FARS2: variants seen among roughly 807,000 people sequenced by gnomAD.
FARS2 encodes phenylalanyl-tRNA synthetase 2, mitochondrial.
FARS2 carries 40 observed loss-of-function variants against 46.4 expected under a neutral mutation model. The ratio of observed to expected loss-of-function variants is 0.86; its 90% CI spans 0.67 to 1.12. FARS2 has a LOEUF of 1.12. Ranked by LOEUF, FARS2 falls within the 50% of genes most tolerant of loss-of-function variation. The pLI is 0.00. For missense variants in FARS2, 513 were observed against 567.9 expected (o/e 0.90, Z 0.98); for synonymous variants, 234 against 214.9 (o/e 1.09, Z -0.78).
At chr6:5,627,484 A>G (rs73718324) in intron 6 of FARS2, among the ~76,000 whole-genome samples, 1,696 of 152,358 alleles carry the variant, frequency 0.011, 17 homozygotes, top group Middle Eastern at 0.037. Flanking sequence ...AATTCATTCA[A>G]TATGCTAATT....
chr6:5,512,649 G>A (rs1263255214), intron 4 of FARS2, among the ~76,000 whole-genome samples: 7 of 151,930 alleles, frequency 4.6e-5, no homozygotes, highest in African/African-American at 1.7e-4. Context: ...AGGCACCCGA[G>A]ATTCAAATGT....
chr6:5,425,924 G>A lies in FARS2; in HGVS notation c.773-5117G>A, dbSNP rs111836594. Among the ~76,000 whole-genome samples, 167 of 152,264 alleles carry A rather than the reference G, an allele frequency of 1.1e-3. 1 individual carries two copies. The highest frequency in any genetic ancestry group is 3.9e-3 in the African/African-American group (160 of 41,556). On this transcript the variant is annotated intron_variant, in intron 3 of 6. Transcript: ENST00000274680. ...CTGGGTGAGGGCAATCATTATCCAC[G>A]GTGTAGAGAAGAGGCAGGTGGGGCT... is the stretch of plus-strand genomic sequence containing the variant.
intron 6 of FARS2, among the ~76,000 whole-genome samples, chr6:5,673,662 G>C (rs1049790090): frequency 2.0e-5 from 3 of 152,124 alleles, no homozygotes; most frequent in African/African-American, 7.2e-5. Flanking sequence ...AAGCTTCTTT[G>C]CTGCCATGTC....
At chr6:5,609,468 G>C (rs1400703910) in intron 5 of FARS2, 3 of 1,218,476 alleles carry the variant, frequency 2.5e-6, no homozygotes, top group South Asian at 1.2e-5. Context: ...ATAGCCATCC[G>C]CCCTGCCACC....
chr6:5,726,555 A>G (rs1014554946), intron 6 of FARS2, among the ~76,000 whole-genome samples: 1 of 152,234 alleles, frequency 6.6e-6, no homozygotes, highest in Admixed American at 6.5e-5. Context: ...GCAGGAGCAC[A>G]TGAATTGTTT....
At chr6:5,435,221 A>T (rs192993728) in intron 4 of FARS2, among the ~76,000 whole-genome samples, 172 of 152,358 alleles carry the variant, frequency 1.1e-3, no homozygotes, top group Non-Finnish European at 1.6e-3. Flanking sequence ...ATTCTGCCTA[A>T]CGTAGAATGA....
chr6:5,525,033 G>C (rs1357610137), intron 4 of FARS2, among the ~76,000 whole-genome samples: 4 of 151,926 alleles, frequency 2.6e-5, no homozygotes, highest in Non-Finnish European at 5.9e-5. Context: ...AGCAGGGAAT[G>C]GCCAATAAAT....
chr6:5,767,131 C>T (rs1244012526), intron 6 of FARS2, among the ~76,000 whole-genome samples: 2 of 152,040 alleles, frequency 1.3e-5, no homozygotes, highest in Non-Finnish European at 2.9e-5. Context: ...TCTCCACTCA[C>T]TGCAACCTCC....
the FARS2 span, among the ~76,000 whole-genome samples, chr6:5,250,079 T>C: frequency 6.6e-6 from 1 of 152,236 alleles, no homozygotes; most frequent in Non-Finnish European, 1.5e-5. Flanking sequence ...GAAAATTCTA[T>C]TTACTTATAA....
chr6:5,679,644 T>C (rs1778933678), intron 6 of FARS2, among the ~76,000 whole-genome samples: 1 of 152,178 alleles, frequency 6.6e-6, no homozygotes, highest in Non-Finnish European at 1.5e-5. Context: ...AAAATTGAAT[T>C]TCCACATTGC....
At chr6:5,310,485 A>C (rs1021557255) in intron 1 of FARS2, among the ~76,000 whole-genome samples, 1 of 152,126 alleles carries the variant, frequency 6.6e-6, no homozygotes, top group Non-Finnish European at 1.5e-5. Flanking sequence ...ACCAAGAAAG[A>C]GTTGCCAGTA....
intron 3 of FARS2, among the ~76,000 whole-genome samples, chr6:5,429,096 A>G (rs1481707727): frequency 6.6e-6 from 1 of 152,182 alleles, no homozygotes; most frequent in Non-Finnish European, 1.5e-5. Context: ...AGAGTGGGGC[A>G]GTGGGCAGGT....
intron 1 of FARS2, among the ~76,000 whole-genome samples, chr6:5,295,766 A>C (rs1767811128): frequency 6.6e-6 from 1 of 152,184 alleles, no homozygotes; most frequent in African/African-American, 2.4e-5. Context: ...CTTCATCTTC[A>C]TCCTGTTGCA....
At chr6:5,676,768 G>A (rs1333476617) in intron 6 of FARS2, among the ~76,000 whole-genome samples, 3 of 152,156 alleles carry the variant, frequency 2.0e-5, no homozygotes, top group Non-Finnish European at 2.9e-5. Flanking sequence ...GAAAATCTTG[G>A]TAGTCAATCT....
rs75630535 is a variant in FARS2, at chr6:5,413,870, A to G, written c.772+9169A>G. On this transcript the variant is annotated intron_variant, in intron 3 of 6. Coordinates refer to ENST00000274680, the MANE Select transcript of FARS2 (RefSeq NM_006567.5). The stretch of plus-strand genomic sequence containing the variant: ...CCATTTTTTCAGTCTCCATTTTTCT[A>G]TTCTTTGTCAGAGGATAAGCTGTAT... Among the ~76,000 whole-genome samples, 128 of 151,998 alleles carry G rather than the reference A, an allele frequency of 8.4e-4. 1 individual carries two copies. The South Asian group carries it at 9.8e-3, about 12-fold the overall frequency.
chr6:5,751,755 C>T (rs1761959998), intron 6 of FARS2, among the ~76,000 whole-genome samples: 1 of 152,246 alleles, frequency 6.6e-6, no homozygotes. Flanking sequence ...ACATGCCAAG[C>T]ACTGACATTC....
intron 2 of FARS2, among the ~76,000 whole-genome samples, chr6:5,402,021 C>T (rs1018979176): frequency 6.6e-6 from 1 of 151,776 alleles, no homozygotes; most frequent in African/African-American, 2.4e-5. Flanking sequence ...CTTTAACGGA[C>T]TCCAATTATA....
At chr6:5,639,299 C>T (rs1483007276) in intron 6 of FARS2, among the ~76,000 whole-genome samples, 1 of 152,206 alleles carries the variant, frequency 6.6e-6, no homozygotes, top group Admixed American at 6.5e-5. Context: ...AGTGCCAGGG[C>T]CCAGTCTCTC....
At chr6:5,647,625 C>T (rs2150752116) in intron 6 of FARS2, among the ~76,000 whole-genome samples, 1 of 152,332 alleles carries the variant, frequency 6.6e-6, no homozygotes, top group Admixed American at 6.5e-5. Context: ...CTGCCTTCTT[C>T]ATTCAGAGGT....
Sources: gnomAD v4.1 joint callset for allele counts (sites outside exome capture counted in the v4.1 genomes callset) on GRCh38, gnomAD v4.1.1 for gene constraint, MANE v1.5 for transcripts, NCBI Gene and HGNC (gene_info 2026-07-23, HGNC 2026-07-21) for gene names.